CLMP: variants seen among roughly 807,000 people sequenced by gnomAD.
CLMP encodes the protein CXADR-like membrane protein.
CLMP carries 27 observed loss-of-function variants against 45.2 expected under a neutral mutation model. That is an observed-to-expected ratio of 0.60 (90% confidence interval 0.44 to 0.82). The LOEUF (loss-of-function observed/expected upper bound fraction) is 0.82. CLMP is among the 40% of genes least tolerant of loss of function. The probability of loss-of-function intolerance (pLI) is 0.00; values close to 1 mark genes in which losing one functional copy is unlikely to be tolerated. For missense variants in CLMP, 403 were observed against 448.4 expected (o/e 0.90, Z 0.91); for synonymous variants, 167 against 171.4 (o/e 0.97, Z 0.20).
intron 1 of CLMP, among the ~76,000 whole-genome samples, chr11:123,182,488 A>G (rs918069162): frequency 6.6e-6 from 1 of 152,230 alleles, no homozygotes; most frequent in African/African-American, 2.4e-5. Flanking sequence ...AGAGCCAGGC[A>G]TCAAACAGGA....
At chr11:123,153,796 C>T (rs1861374147) in intron 1 of CLMP, among the ~76,000 whole-genome samples, 1 of 152,018 alleles carries the variant, frequency 6.6e-6, no homozygotes. Flanking sequence ...GATCCTCCCA[C>T]CTCAGCCTTC....
At chr11:123,098,072 A>C in intron 1 of CLMP, 120 bp from the exon 2 acceptor site, 1 of 765,532 alleles carries the variant, frequency 1.3e-6, no homozygotes, top group Non-Finnish European at 2.0e-6. Context: ...GAGGGGTTGC[A>C]AGAGTCCTAG....
intron 1 of CLMP, among the ~76,000 whole-genome samples, chr11:123,186,714 G>C (rs1861840051): frequency 6.6e-6 from 1 of 152,062 alleles, no homozygotes; most frequent in Admixed American, 6.5e-5. Context: ...GTAGAGACAG[G>C]GTTTCGCCAT....
chr11:123,105,218 C>T (rs1358529787), intron 1 of CLMP, among the ~76,000 whole-genome samples: 2 of 152,196 alleles, frequency 1.3e-5, no homozygotes, highest in Non-Finnish European at 2.9e-5. Flanking sequence ...AGGAGTCTCC[C>T]ATTAAAATGT....
chr11:123,143,964 A>T (rs543375063), intron 1 of CLMP, among the ~76,000 whole-genome samples: 1 of 151,976 alleles, frequency 6.6e-6, no homozygotes, highest in South Asian at 2.1e-4. Flanking sequence ...GTGCACCACC[A>T]CTCTTGGCTA....
intron 3 of CLMP, 82 bp downstream of exon 3, chr11:123,084,430 G>A: frequency 8.9e-7 from 1 of 1,120,616 alleles, no homozygotes; most frequent in Non-Finnish European, 1.3e-6. Flanking sequence ...ATGATGTTTT[G>A]TACCACCGTG....
intron 1 of CLMP, among the ~76,000 whole-genome samples, chr11:123,111,209 G>A (rs1860633309): frequency 6.6e-6 from 1 of 151,884 alleles, no homozygotes; most frequent in Non-Finnish European, 1.5e-5. Context: ...GCACGATCTG[G>A]GCTCACTGCA....
chr11:123,190,283 CCTT>C (rs1247821140), intron 1 of CLMP, among the ~76,000 whole-genome samples: 23 of 152,086 alleles, frequency 1.5e-4, no homozygotes, highest in African/African-American at 5.3e-4. Context: ...GTTCGTTGAC[CCTT>C]CTTGGTTTAT....
intron 1 of CLMP, among the ~76,000 whole-genome samples, chr11:123,107,534 A>ATTTTTTTT (rs370750162): frequency 8.1e-6 from 1 of 123,410 alleles, no homozygotes; most frequent in Non-Finnish European, 1.7e-5. Context: ...CCTGACCTAA[A>ATTTTTTTT]TTTTTTTTTT....
chr11:123,162,718 A>G (rs189261786), intron 1 of CLMP, among the ~76,000 whole-genome samples: 56 of 152,014 alleles, frequency 3.7e-4, no homozygotes, highest in African/African-American at 1.3e-3. Flanking sequence ...CAACATGACG[A>G]AACATTGTCT....
chr11:123,135,029 G>A (rs1288794622), intron 1 of CLMP, among the ~76,000 whole-genome samples: 1 of 143,618 alleles, frequency 7.0e-6, no homozygotes, highest in Non-Finnish European at 1.5e-5. Context: ...GGAGGCTGAA[G>A]GAGGTGGATC....
chr11:123,125,215 C>G (rs1442699356), intron 1 of CLMP, among the ~76,000 whole-genome samples: 3 of 152,092 alleles, frequency 2.0e-5, no homozygotes, highest in African/African-American at 7.2e-5. Flanking sequence ...CATTTTTAAG[C>G]TAAAGCAAGA....
intron 1 of CLMP, among the ~76,000 whole-genome samples, chr11:123,127,709 A>T (rs1860917275): frequency 6.6e-6 from 1 of 152,152 alleles, no homozygotes. Context: ...ACATGCAATC[A>T]TCCCTTAACA....
At position 123,113,271 on chromosome 11, in the gene CLMP, C is replaced by T. The variant is rs569541531; in HGVS notation, c.29-15319G>A. Among the ~76,000 whole-genome samples, 23 of 152,300 alleles carry T rather than the reference C, an allele frequency of 1.5e-4. 1 individual carries two copies. The highest frequency in any genetic ancestry group is 8.5e-4 in the Admixed American group (13 of 15,276). On this transcript the variant is annotated intron_variant, in intron 1 of 6. Transcript: ENST00000448775. ...AATGTGAGCAGCACCTGTTACCATT[C>T]TAGGTGCTGCCAGGGATACAGAAAT...
At chr11:123,112,418 A>G (rs1478231189) in intron 1 of CLMP, among the ~76,000 whole-genome samples, 1 of 148,242 alleles carries the variant, frequency 6.7e-6, no homozygotes, top group Non-Finnish European at 1.5e-5. Flanking sequence ...GCTCACGGCA[A>G]CCTCCGCCTC....
chr11:123,136,438 T>G (rs1278801627), intron 1 of CLMP: 4 of 364,330 alleles, frequency 1.1e-5, no homozygotes, highest in African/African-American at 2.7e-5. Flanking sequence ...GCCCTCCTTG[T>G]CCCCCCCCAC....
chr11:123,185,004 G>A lies in CLMP; in HGVS notation c.28+9909C>T, dbSNP rs576301478. On this transcript the variant is annotated intron_variant, in intron 1 of 6. Coordinates refer to ENST00000448775, the MANE Select transcript of CLMP (RefSeq NM_024769.5). Reference sequence around the variant, plus strand: ...AGGTGCTCTCGGGGCTGAGAGGGGCGAGCACAGCTCTGTGTCTGGAGAGTC... The same window carrying A: ...AGGTGCTCTCGGGGCTGAGAGGGGCAAGCACAGCTCTGTGTCTGGAGAGTC... Among the ~76,000 whole-genome samples the A allele has an allele frequency of 5.3e-5, 8 of 152,256 alleles. No individual in the cohort carries two copies. The South Asian group carries it at 1.4e-3, about 28-fold the overall frequency.
chr11:123,121,063 C>G (rs561454550), intron 1 of CLMP, among the ~76,000 whole-genome samples: 1 of 144,390 alleles, frequency 6.9e-6, no homozygotes, highest in Non-Finnish European at 1.5e-5. Flanking sequence ...GGAGGTGAAG[C>G]TTGCAGTGAG....
chr11:123,159,026 C>G (rs1163611726), intron 1 of CLMP, among the ~76,000 whole-genome samples: 1 of 152,170 alleles, frequency 6.6e-6, no homozygotes, highest in South Asian at 2.1e-4. Flanking sequence ...ATAAGTCAGA[C>G]CTCCCTTAAG....
Sources: gnomAD v4.1 joint callset for allele counts (sites outside exome capture counted in the v4.1 genomes callset) on GRCh38, gnomAD v4.1.1 for gene constraint, MANE v1.5 for transcripts, NCBI Gene and HGNC (gene_info 2026-07-23, HGNC 2026-07-21) for gene names.